ABLIM2: variants seen among roughly 807,000 people sequenced by gnomAD.
The protein encoded by ABLIM2 is actin binding LIM protein family member 2.
ABLIM2 carries 53 observed loss-of-function variants against 97.7 expected under a neutral mutation model. The ratio of observed to expected loss-of-function variants is 0.54; its 90% CI spans 0.44 to 0.68. The LOEUF is 0.68. Ranked by LOEUF, ABLIM2 falls within the 30% of genes least tolerant of loss-of-function variation. ABLIM2 has a pLI of 0.00. For synonymous variants in ABLIM2, 361 were observed against 345.8 expected (o/e 1.04, Z -0.49); for missense variants, 835 against 867.2 (o/e 0.96, Z 0.47).
At chr4:8,078,948 T>G (rs1488752640) in intron 5 of ABLIM2, among the ~76,000 whole-genome samples, 1 of 152,162 alleles carries the variant, frequency 6.6e-6, no homozygotes, top group Non-Finnish European at 1.5e-5. Flanking sequence ...CAAATTTGGT[T>G]TGAGTTTTTG....
chr4:7,983,571 G>C lies in ABLIM2; in HGVS notation c.1736-17C>G. On this transcript the variant is annotated splice_polypyrimidine_tract_variant and intron_variant, in intron 18 of 20. Transcript: ENST00000447017. ...CCTTGTATTCTGTAAGAGAGAGAGAGCGGAGACCACGAAATGGTTTAGAAA... is the reference window on the plus strand; with the variant it reads ...CCTTGTATTCTGTAAGAGAGAGAGACCGGAGACCACGAAATGGTTTAGAAA... The C allele has an allele frequency of 6.2e-7, 1 of 1,612,956 alleles. No homozygotes were observed. Among genetic ancestry groups the C allele is most frequent in the Non-Finnish European group, 8.5e-7 (1 of 1,179,588 alleles).
Position 8,148,540 on chromosome 4 carries a change from TG to T in ABLIM2, c.10+10139del, listed in dbSNP as rs1852196520. ...GGCCTCCGTTTGCTCACCTGTGAAGTGGGAATACTGGTAGTCCCGAGCAAGG... is the reference window on the plus strand; with the variant it reads ...GGCCTCCGTTTGCTCACCTGTGAAGTGGAATACTGGTAGTCCCGAGCAAGG... On this transcript the variant is annotated intron_variant, in intron 1 of 20. Transcript: ENST00000447017. This position sits in a 1 kb window ranked among gnomAD's most constrained non-coding sequence, Gnocchi z 6.7. 6.6e-6 allele frequency among the ~76,000 whole-genome samples: 1 copy of T among 152,148 alleles called. No individual in the cohort carries two copies. Among genetic ancestry groups the T allele is most frequent in the African/African-American group, 2.4e-5 (1 of 41,448 alleles).
intron 1 of ABLIM2, among the ~76,000 whole-genome samples, chr4:8,114,620 G>A (rs568266694): frequency 6.6e-6 from 1 of 152,180 alleles, no homozygotes; most frequent in African/African-American, 2.4e-5. Flanking sequence ...AACCGAGGAC[G>A]CTGCTCTCTG....
intron 14 of ABLIM2, among the ~76,000 whole-genome samples, chr4:8,017,681 T>C (rs967647664): frequency 1.4e-4 from 22 of 152,288 alleles, no homozygotes; most frequent in African/African-American, 5.3e-4. Flanking sequence ...GAGAATCATA[T>C]ATAGCCAGAT....
intron 14 of ABLIM2, among the ~76,000 whole-genome samples, chr4:8,016,011 G>A (rs572840968): frequency 4.0e-5 from 6 of 148,802 alleles, no homozygotes; most frequent in Non-Finnish European, 7.4e-5. Context: ...ATTCCTGTCT[G>A]TAATAAGAGG....
intron 17 of ABLIM2, among the ~76,000 whole-genome samples, chr4:7,989,072 CTTTTTTT>C (rs71175445): frequency 1.2e-5 from 1 of 81,330 alleles, no homozygotes; most frequent in Non-Finnish European, 2.2e-5. Flanking sequence ...ACACATTAGT[CTTTTTTT>C]TTTTTTTTTT....
chr4:8,151,275 G>A (rs1210335684), intron 1 of ABLIM2, among the ~76,000 whole-genome samples: 2 of 152,142 alleles, frequency 1.3e-5, no homozygotes, highest in East Asian at 3.9e-4. Context: ...CTCGTTATCC[G>A]CAGCAGACCT....
chr4:8,008,987 C>T (rs1763155419), intron 15 of ABLIM2, 63 bp downstream of exon 15: 1 of 1,595,814 alleles, frequency 6.3e-7, no homozygotes, highest in African/African-American at 1.3e-5. Context: ...CGGAGAAGCC[C>T]TCACAAAAGC....
chr4:8,033,912 T>A lies in ABLIM2; in HGVS notation c.1047+2237A>T, dbSNP rs1263349070. Among the ~76,000 whole-genome samples the A allele has an allele frequency of 6.6e-6, 1 of 152,214 alleles. No homozygotes were observed. The highest frequency in any genetic ancestry group is 1.5e-5 in the Non-Finnish European group (1 of 68,034). On this transcript the variant is annotated intron_variant, in intron 10 of 20. Transcript: ENST00000447017. This position sits in a 1 kb window ranked among gnomAD's most constrained non-coding sequence, Gnocchi z 4.5. ...CACCCCAACACACATCACCTCTGCA[T>A]GTGGCCCTTCATGGCCACAGAGCCC...
rs769442799 is a variant in ABLIM2, at chr4:8,004,654, G to A, written c.1618+3405C>T. Among the ~76,000 whole-genome samples the A allele has an allele frequency of 2.9e-4, 44 of 152,246 alleles. No individual in the cohort carries two copies. The highest frequency in any genetic ancestry group is 7.7e-4 in the East Asian group (4 of 5,172). ...CCAAGCAGCAGCAGGCCCTACTGCC[G>A]GGGACACGGAGTCCACACCACCTTG... On this transcript the variant is annotated intron_variant, in intron 16 of 20. Transcript: ENST00000447017. The surrounding 1 kb of genome is among the most constrained non-coding windows in gnomAD (Gnocchi z 5.9).
chr4:8,046,504 C>G lies in ABLIM2; in HGVS notation c.823-1263G>C, dbSNP rs556253360. ...CCAAGAGCTCAGCCCTCACTCTCCC[C>G]ACGGCCCCCACGTCCTCTGCTGCTT... On this transcript the variant is annotated intron_variant, in intron 8 of 20. Coordinates refer to ENST00000447017, the MANE Select transcript of ABLIM2 (RefSeq NM_001130083.2). This position sits in a 1 kb window ranked among gnomAD's most constrained non-coding sequence, Gnocchi z 4.4. Among the ~76,000 whole-genome samples the G allele has an allele frequency of 1.6e-3, 239 of 152,328 alleles. No homozygotes were observed. The highest frequency in any genetic ancestry group is 5.5e-3 in the African/African-American group (227 of 41,566).
rs1561326057 is a variant in ABLIM2, at chr4:8,091,351, AAT to A, written c.339-3069_339-3068del. 2.1e-4 allele frequency among the ~76,000 whole-genome samples: 4 copies of A among 19,424 alleles called. 1 individual carries two copies. Among genetic ancestry groups the A allele is most frequent in the Non-Finnish European group, 4.3e-4 (4 of 9,278 alleles). The allele number at this position is 19,424 out of a possible 152,430, so 12.7% of individuals were successfully genotyped here. A position where few individuals can be genotyped will look rare whatever the true frequency, so the allele number is the denominator to read the frequency against. ...TATATTATATATATAATATATATAT[AAT>A]TATATATATATTATATTACATATAA... On this transcript the variant is annotated intron_variant, in intron 3 of 20. Transcript: ENST00000447017.
intron 20 of ABLIM2, among the ~76,000 whole-genome samples, chr4:7,968,200 G>C (rs1051776626): frequency 4.6e-5 from 7 of 152,262 alleles, no homozygotes; most frequent in Admixed American, 3.9e-4. Context: ...GAAGAGGCCA[G>C]GCTCTGCCCT....
chr4:8,131,500 G>T (rs1849358878), intron 1 of ABLIM2, among the ~76,000 whole-genome samples: 1 of 152,194 alleles, frequency 6.6e-6, no homozygotes, highest in South Asian at 2.1e-4. Flanking sequence ...TAAAAGAGGG[G>T]GATGAGCTGT....
chr4:8,081,437 C>T (rs770910305), intron 4 of ABLIM2, among the ~76,000 whole-genome samples: 1 of 152,204 alleles, frequency 6.6e-6, no homozygotes, highest in Non-Finnish European at 1.5e-5. Flanking sequence ...AGGTTTTGGC[C>T]CTGCCCTGAG....
In ABLIM2 at chr4:8,069,760, G is replaced by A. The variant is rs928263910; in HGVS notation, c.675+7868C>T. Among the ~76,000 whole-genome samples the A allele has an allele frequency of 1.1e-4, 16 of 151,676 alleles. 1 individual carries two copies. Among genetic ancestry groups the A allele is most frequent in the Non-Finnish European group, 5.9e-5 (4 of 67,886 alleles). On this transcript the variant is annotated intron_variant, in intron 6 of 20. Transcript: ENST00000447017. The surrounding 1 kb of genome is among the most constrained non-coding windows in gnomAD (Gnocchi z 4.2). Reference sequence around the variant, plus strand: ...TCCTTGTGTTGTCTGTGTACGTTTCGGTGTGTCCATGCATGTTGTCTGTGT... The same window carrying A: ...TCCTTGTGTTGTCTGTGTACGTTTCAGTGTGTCCATGCATGTTGTCTGTGT...
chr4:8,153,955 CTTCTT>C (rs1322162652), intron 1 of ABLIM2, among the ~76,000 whole-genome samples: 2 of 128,148 alleles, frequency 1.6e-5, no homozygotes, highest in Non-Finnish European at 3.3e-5. Context: ...CTAAATTAAA[CTTCTT>C]TTCTTTTTTT....
In ABLIM2 at chr4:8,071,468, C is replaced by T. The variant is rs1001573549; in HGVS notation, c.675+6160G>A. On this transcript the variant is annotated intron_variant, in intron 6 of 20. Coordinates refer to ENST00000447017, the MANE Select transcript of ABLIM2 (RefSeq NM_001130083.2). The surrounding 1 kb of genome is among the most constrained non-coding windows in gnomAD (Gnocchi z 6.2). ...CTGTCACCACCAAATGCACATTTCG[C>T]GGGCAGGCGGGCACTGCGGGCGCCA... 3.9e-5 allele frequency among the ~76,000 whole-genome samples: 6 copies of T among 152,310 alleles called. No homozygotes were observed. The highest frequency in any genetic ancestry group is 3.9e-4 in the East Asian group (2 of 5,186).
chr4:8,010,575 A>C lies in ABLIM2; in HGVS notation c.1424-1473T>G, dbSNP rs186534395. ...CTTGACAAGATAAGGCCAAAATTGA[A>C]GACTGAGCAGTTCCGTTCCGAATAC... On this transcript the variant is annotated intron_variant, in intron 14 of 20. Transcript: ENST00000447017. The C allele has an allele frequency of 4.0e-5, 39 of 985,844 alleles. No individual in the cohort carries two copies. In the Admixed American group the frequency reaches 2.1e-3, roughly 54 times the overall value. The allele number at this position is 985,844 out of a possible 1,614,324, so 61.1% of individuals were successfully genotyped here.
Sources: gnomAD v4.1 joint callset for allele counts (sites outside exome capture counted in the v4.1 genomes callset) on GRCh38, gnomAD v4.1.1 for gene constraint, Gnocchi (gnomAD v3.1) non-coding constraint, MANE v1.5 for transcripts, NCBI Gene and HGNC (gene_info 2026-07-23, HGNC 2026-07-21) for gene names.